PPHLN1: variants seen among roughly 807,000 people sequenced by gnomAD.
The protein encoded by PPHLN1 is periphilin 1.
Under a neutral mutation model 51.3 loss-of-function variants are expected in PPHLN1, and 29 were observed. The ratio of observed to expected loss-of-function variants is 0.57; its 90% CI spans 0.42 to 0.77. The LOEUF is 0.77. PPHLN1 is among the 30% of genes least tolerant of loss of function. The pLI, the probability that PPHLN1 is intolerant of heterozygous loss-of-function variation, is 0.00. For synonymous variants in PPHLN1, 147 were observed against 147.8 expected, an observed-to-expected ratio of 0.99 and a Z score of 0.04; for missense variants, 436 against 438.4, an observed-to-expected ratio of 0.99 and a Z score of 0.05.
downstream of PPHLN1, chr12:42,442,634 C>T (rs376932757): frequency 1.3e-5 from 21 of 1,613,654 alleles, no homozygotes; most frequent in African/African-American, 1.6e-4. Flanking sequence ...TCCGGTCGCT[C>T]GGCCAGAGTC....
chr12:42,410,777 A>G (rs2079741433), intron 9 of PPHLN1, among the ~76,000 whole-genome samples: 1 of 152,262 alleles, frequency 6.6e-6, no homozygotes, highest in Non-Finnish European at 1.5e-5. Flanking sequence ...AACACACAAG[A>G]TTGAGAGGAT....
chr12:42,404,526 T>TAA (rs2079114383), intron 9 of PPHLN1, among the ~76,000 whole-genome samples: 1 of 109,804 alleles, frequency 9.1e-6, no homozygotes, highest in African/African-American at 4.2e-5. Context: ...CAAAACTCCG[T>TAA]CTCAACAACA....
rs535686521 is a variant in PPHLN1, at chr12:42,336,048, T to C, written c.72+74T>C. 3.2e-3 allele frequency: 3,058 copies of C among 948,160 alleles called. 13 individuals are homozygous for C. Among genetic ancestry groups the C allele is most frequent in the Non-Finnish European group, 4.0e-3 (2,648 of 664,254 alleles). The allele number at this position is 948,160 out of a possible 1,614,324, so 58.7% of individuals were successfully genotyped here. On this transcript the variant is annotated intron_variant, in intron 2 of 9. Transcript: ENST00000358314. ...TAATTTGATACACCAAAGCTAGGCC[T>C]ATTAACAAAATCTTCAAGTGTCAGA...
intron 1 of PPHLN1, among the ~76,000 whole-genome samples, chr12:42,327,895 T>G (rs1299651513): frequency 6.6e-6 from 1 of 152,258 alleles, no homozygotes; most frequent in Non-Finnish European, 1.5e-5. Flanking sequence ...CTACAGCTGA[T>G]TGTGGCTATG....
chr12:42,345,039 T>C (rs1470936395), intron 2 of PPHLN1, among the ~76,000 whole-genome samples: 1 of 152,194 alleles, frequency 6.6e-6, no homozygotes, highest in African/African-American at 2.4e-5. Flanking sequence ...CAGATTTTTA[T>C]ATTGAATCAA....
At chr12:42,377,387 A>G (rs552125027) in intron 5 of PPHLN1, among the ~76,000 whole-genome samples, 234 of 148,524 alleles carry the variant, frequency 1.6e-3, no homozygotes, top group African/African-American at 5.6e-3. Flanking sequence ...ACTCACTGCA[A>G]CCTCCACCTC....
intron 2 of PPHLN1, among the ~76,000 whole-genome samples, chr12:42,349,639 T>C (rs969248706): frequency 3.3e-5 from 5 of 152,164 alleles, no homozygotes; most frequent in Admixed American, 2.0e-4. Flanking sequence ...CAGGCATCTG[T>C]TTAACAAAGC....
intron 3 of PPHLN1, among the ~76,000 whole-genome samples, chr12:42,354,662 T>G (rs1282682728): frequency 6.6e-6 from 1 of 151,424 alleles, no homozygotes. Flanking sequence ...CTTATTCTGA[T>G]ATAGATTATC....
intron 9 of PPHLN1, among the ~76,000 whole-genome samples, chr12:42,414,016 G>C (rs1169423149): frequency 8.5e-6 from 1 of 117,278 alleles, no homozygotes; most frequent in African/African-American, 3.2e-5. Flanking sequence ...AATGATGTTG[G>C]TGTTTTATTT....
intron 4 of PPHLN1, among the ~76,000 whole-genome samples, chr12:42,373,821 A>T (rs2076005910): frequency 6.6e-6 from 1 of 152,252 alleles, no homozygotes; most frequent in African/African-American, 2.4e-5. Flanking sequence ...ATTTATAAAA[A>T]GTAGTTATTT....
intron 5 of PPHLN1, among the ~76,000 whole-genome samples, chr12:42,377,602 C>G (rs1215655685): frequency 1.3e-5 from 2 of 152,232 alleles, no homozygotes; most frequent in South Asian, 4.1e-4. Context: ...CTGTGCTCTG[C>G]CCTTACGACC....
chr12:42,441,371 A>C lies in PPHLN1; in HGVS notation c.966A>C (p.Lys322Asn), dbSNP rs2082941616. Residue 322 changes from lysine (K) to asparagine (N), a missense_variant, in exon 10 of 10, where the codon AAA becomes AAC. Lys to Asn is a moderately conservative substitution (Grantham distance 94). Coordinates refer to ENST00000358314, the MANE Select transcript of PPHLN1 (RefSeq NM_201439.2). ...FGMVVKMLIE[K>N]DPSLEKSIQF... is the part of the protein sequence containing the mutation. The stretch of plus-strand genomic sequence containing the variant: ...TGGTGGTGAAAATGCTGATTGAAAA[A>C]GATCCTTCATTAGAAAAGTCTATAC... 2 of 1,613,740 alleles carry C rather than the reference A, an allele frequency of 1.2e-6. No individual in the cohort carries two copies. The highest frequency in any genetic ancestry group is 2.7e-5 in the African/African-American group (2 of 74,924).
At chr12:42,339,907 T>A (rs769751879) in intron 2 of PPHLN1, among the ~76,000 whole-genome samples, 16 of 152,342 alleles carry the variant, frequency 1.1e-4, no homozygotes, top group Middle Eastern at 3.4e-3. Flanking sequence ...AAAAGTAATT[T>A]TGTGTTCACA....
chr12:42,383,983 C>CAAAAAAAAAAAAAAAAAAAAAAAAAA (rs61016692), intron 5 of PPHLN1, among the ~76,000 whole-genome samples: 1 of 51,610 alleles, frequency 1.9e-5, no homozygotes, highest in Non-Finnish European at 4.0e-5. Flanking sequence ...GACTGTGTCT[C>CAAAAAAAAAAAAAAAAAAAAAAAAAA]AAAAAAAAAA....
In PPHLN1 at chr12:42,441,575, A is replaced by G; in HGVS notation, c.*66A>G. 1 of 1,422,196 alleles carries G rather than the reference A, an allele frequency of 7.0e-7. No homozygotes were observed. Among genetic ancestry groups the G allele is most frequent in the Admixed American group, 2.9e-5 (1 of 34,864 alleles). The allele number at this position is 1,422,196 out of a possible 1,614,324, so 88.1% of individuals were successfully genotyped here. A position where few individuals can be genotyped will look rare whatever the true frequency, so the allele number is the denominator to read the frequency against. On this transcript the variant is annotated 3_prime_UTR_variant, in exon 10 of 10. Coordinates refer to ENST00000358314, the MANE Select transcript of PPHLN1 (RefSeq NM_201439.2). The stretch of plus-strand genomic sequence containing the variant: ...AAAAATTTTTTTTCCTGGATTGTGT[A>G]AATCCTTAATATATGGAATTTTTGT...
intron 2 of PPHLN1, among the ~76,000 whole-genome samples, chr12:42,341,074 A>G (rs55949213): frequency 0.16 from 24,403 of 148,200 alleles, 2,020 homozygotes; most frequent in Admixed American, 0.21. Flanking sequence ...TCTGCCTCCC[A>G]GGTTCAAGCG....
intron 1 of PPHLN1, among the ~76,000 whole-genome samples, chr12:42,329,103 T>TG (rs2069250610): frequency 3.5e-5 from 5 of 143,818 alleles, no homozygotes; most frequent in African/African-American, 1.3e-4. Flanking sequence ...AATTTTTTTT[T>TG]TTTTTTGTGT....
At chr12:42,382,475 A>G (rs1051869730) in intron 5 of PPHLN1, among the ~76,000 whole-genome samples, 1 of 152,096 alleles carries the variant, frequency 6.6e-6, no homozygotes, top group African/African-American at 2.4e-5. Flanking sequence ...AATGTTTTCA[A>G]CCTTTTTACC....
At chr12:42,409,928 A>C (rs1844215439) in intron 9 of PPHLN1, among the ~76,000 whole-genome samples, 1 of 152,098 alleles carries the variant, frequency 6.6e-6, no homozygotes, top group Non-Finnish European at 1.5e-5. Flanking sequence ...TATCTCTGAC[A>C]GCTTTATATT....
Sources: allele counts gnomAD v4.1 joint callset (sites outside exome capture counted in the v4.1 genomes callset), GRCh38; gene constraint gnomAD v4.1.1; transcripts MANE v1.5; gene names NCBI Gene and HGNC (gene_info 2026-07-23, HGNC 2026-07-21).